Variants in BRSK2 observed in about 807,000 individuals in gnomAD.
The protein encoded by BRSK2 is BR serine/threonine kinase 2.
Under a neutral mutation model 83.3 loss-of-function variants are expected in BRSK2, and 19 were observed. The ratio of observed to expected loss-of-function variants is 0.23; its 90% confidence interval spans 0.16 to 0.33. BRSK2 has a LOEUF of 0.33. Among genes scored for constraint, BRSK2 ranks in the 10% least tolerant of loss-of-function variants. The pLI is 1.00. For synonymous variants in BRSK2, 519 were observed against 435.4 expected (o/e 1.19, Z -2.39); for missense variants, 798 against 1,042.3 (o/e 0.77, Z 3.23).
At chr11:1,450,170 A>C (rs1845636575) in intron 13 of BRSK2, among the ~76,000 whole-genome samples, 1 of 148,536 alleles carries the variant, frequency 6.7e-6, no homozygotes, top group Admixed American at 6.7e-5. Flanking sequence ...ACTGGGGTGC[A>C]TGTGCCGCGC....
At chr11:1,445,947 C>A (rs1851991670) in intron 12 of BRSK2, 40 bp downstream of exon 12, 1 of 1,569,424 alleles carries the variant, frequency 6.4e-7, no homozygotes, top group Non-Finnish European at 8.6e-7. Context: ...CCTCCCTGGG[C>A]CCTGGCTGCG....
chr11:1,444,182 G>C (rs1851715929), intron 8 of BRSK2, among the ~76,000 whole-genome samples: 1 of 152,156 alleles, frequency 6.6e-6, no homozygotes, highest in South Asian at 2.1e-4. Context: ...CCTGCCTCCA[G>C]ACGCTGCTGG....
chr11:1,399,980 G>A (rs529121367), intron 1 of BRSK2, among the ~76,000 whole-genome samples: 12 of 152,284 alleles, frequency 7.9e-5, no homozygotes, highest in African/African-American at 2.2e-4. Flanking sequence ...CCTCCGTTAC[G>A]CAGGAATAGT....
intron 18 of BRSK2, among the ~76,000 whole-genome samples, chr11:1,457,605 G>A (rs750496606): frequency 2.6e-5 from 4 of 152,168 alleles, no homozygotes; most frequent in Non-Finnish European, 5.9e-5. Context: ...CTGGTACGGC[G>A]TGGGGGCGCT....
At chr11:1,445,167 C>T in intron 9 of BRSK2, 127 bp from the exon 10 acceptor site, 1 of 1,462,900 alleles carries the variant, frequency 6.8e-7, no homozygotes. Context: ...ACGCAGGAGG[C>T]CTCCCCGGGC....
chr11:1,454,566 T>A lies in BRSK2; in HGVS notation c.1626T>A (p.Pro542=), dbSNP rs1564880234. Residue 542 remains proline, a synonymous_variant, in exon 16 of 20, where the codon CCT becomes CCA. Coordinates refer to ENST00000528841, the MANE Select transcript of BRSK2 (RefSeq NM_001256627.2). The surrounding 1 kb of genome is among the most constrained non-coding windows in gnomAD (Gnocchi z 5.2). ...TCTTCGTGGTCATCAAAGACAAACCTCTGAGCTCCATCAAGGCTGACATCG... is the reference window on the plus strand; with the variant it reads ...TCTTCGTGGTCATCAAAGACAAACCACTGAGCTCCATCAAGGCTGACATCG... The part of the protein sequence containing the change: ...EQIFVVIKDK[P]LSSIKADIVH... 6.2e-7 allele frequency: 1 copy of A among 1,613,150 alleles called. No homozygotes were observed. The highest frequency in any genetic ancestry group is 8.5e-7 in the Non-Finnish European group (1 of 1,179,930).
chr11:1,449,942 C>G (rs1217903746), intron 13 of BRSK2, 106 bp downstream of exon 13: 1 of 745,804 alleles, frequency 1.3e-6, no homozygotes, highest in African/African-American at 1.8e-5. Flanking sequence ...GGGAAGCAGC[C>G]CCAGGCGCCC....
chr11:1,459,236 TGTG>T lies in BRSK2; in HGVS notation c.1987_1987+2del, dbSNP rs768483881. ...AATGATGACGGGGCGGCTTTCCAAATGTGGTAAGAATCCCCCACGCTCACCTGG... is the reference window on the plus strand; with the variant it reads ...AATGATGACGGGGCGGCTTTCCAAATGTAAGAATCCCCCACGCTCACCTGG... On this transcript the variant is annotated inframe_deletion and splice_region_variant, in exon 19 of 20. Transcript: ENST00000528841. The T allele has an allele frequency of 1.2e-6, 2 of 1,613,734 alleles. No individual in the cohort carries two copies. Among genetic ancestry groups the T allele is most frequent in the South Asian group, 1.1e-5 (1 of 91,084 alleles).
intron 1 of BRSK2, among the ~76,000 whole-genome samples, chr11:1,407,293 G>A (rs542401312): frequency 1.8e-4 from 27 of 152,148 alleles, no homozygotes; most frequent in South Asian, 6.2e-4. Flanking sequence ...CTGTGTCCAC[G>A]ACAGCCCCAC....
In BRSK2 at chr11:1,437,733, G is replaced by GA. The variant is rs529895425; in HGVS notation, c.187-573_187-572insA. Reference sequence around the variant, plus strand: ...CCTGTGAGGCCTCCACCGTAAGGAAGGGCGGAGCCCAGGCACAGCCTGCCT... The same window carrying GA: ...CCTGTGAGGCCTCCACCGTAAGGAAGAGGCGGAGCCCAGGCACAGCCTGCCT... On this transcript the variant is annotated intron_variant, in intron 2 of 19. Coordinates refer to ENST00000528841, the MANE Select transcript of BRSK2 (RefSeq NM_001256627.2). Among the ~76,000 whole-genome samples the GA allele has an allele frequency of 7.2e-5, 11 of 152,348 alleles. No individual in the cohort carries two copies. In the East Asian group the frequency reaches 1.2e-3, roughly 16 times the overall value.
chr11:1,436,498 C>T (rs1850316560), intron 2 of BRSK2, among the ~76,000 whole-genome samples: 1 of 152,166 alleles, frequency 6.6e-6, no homozygotes, highest in Non-Finnish European at 1.5e-5. Context: ...CCTACCAGGG[C>T]ACAGCTTGGC....
Position 1,458,100 on chromosome 11 carries a change from T to G in BRSK2, c.1940-1092T>G, listed in dbSNP as rs1184397617. Reference sequence around the variant, plus strand: ...GCCAGGGAACGACAGGGCAGCCACCTAGGCCAGGGATGGACAGGGCTTGTC... The same window carrying G: ...GCCAGGGAACGACAGGGCAGCCACCGAGGCCAGGGATGGACAGGGCTTGTC... On this transcript the variant is annotated intron_variant, in intron 18 of 19. Transcript: ENST00000528841. Among the ~76,000 whole-genome samples the G allele has an allele frequency of 2.0e-5, 3 of 152,132 alleles. No individual in the cohort carries two copies. In the East Asian group the frequency reaches 5.8e-4, roughly 29 times the overall value.
intron 8 of BRSK2, 37 bp from the exon 9 acceptor site, chr11:1,444,934 T>A (rs1431398092): frequency 1.2e-6 from 2 of 1,602,406 alleles, no homozygotes; most frequent in Non-Finnish European, 1.7e-6. Flanking sequence ...TTTCCGTCCC[T>A]CGTCCGTACT....
intron 19 of BRSK2, chr11:1,459,529 G>A (rs7935124): frequency 0.21 from 96,043 of 467,384 alleles, 12,070 homozygotes; most frequent in African/African-American, 0.43. Flanking sequence ...TGAGGGTCCC[G>A]CTGGTCCCAC....
chr11:1,399,810 C>T (rs987386344), intron 1 of BRSK2, among the ~76,000 whole-genome samples: 8 of 152,192 alleles, frequency 5.3e-5, no homozygotes, highest in African/African-American at 1.9e-4. Context: ...CTCCTTCTTC[C>T]TTGGCACCCT....
chr11:1,453,629 G>A (rs770004158), intron 15 of BRSK2, among the ~76,000 whole-genome samples: 11 of 152,216 alleles, frequency 7.2e-5, no homozygotes, highest in Non-Finnish European at 1.2e-4. Flanking sequence ...CTCCCAGGCC[G>A]CACAGTGGCC....
In BRSK2 at chr11:1,445,453, C is replaced by G. The variant is rs201835312; in HGVS notation, c.972C>G (p.Ser324=). ...ACAAGCTGCTGCAGGACCTGCTGTCCGAGGAGTGCGTCTGGGGCTGCTCCC... is the reference window on the plus strand; with the variant it reads ...ACAAGCTGCTGCAGGACCTGCTGTCGGAGGAGTGCGTCTGGGGCTGCTCCC... ...DRNKLLQDLL[S]EEENQEKMIY... The change falls in exon 10 of 20, where the codon TCC becomes TCG. Residue 324 remains serine (S), a synonymous_variant. Coordinates refer to ENST00000528841, the MANE Select transcript of BRSK2 (RefSeq NM_001256627.2). 3 of 1,611,490 alleles carry G rather than the reference C, an allele frequency of 1.9e-6. No individual in the cohort carries two copies. Among genetic ancestry groups the G allele is most frequent in the South Asian group, 2.2e-5 (2 of 90,966 alleles).
chr11:1,439,068 C>CCTCAT (rs1264333512), intron 3 of BRSK2, among the ~76,000 whole-genome samples: 1 of 152,186 alleles, frequency 6.6e-6, no homozygotes, highest in Non-Finnish European at 1.5e-5. Context: ...TGGCCTTGAG[C>CCTCAT]CTCATCTGAC....
intron 1 of BRSK2, among the ~76,000 whole-genome samples, chr11:1,391,483 C>T (rs769294277): frequency 2.6e-5 from 4 of 152,152 alleles, no homozygotes; most frequent in Non-Finnish European, 5.9e-5. Flanking sequence ...GGGGGAGGGC[C>T]GTGGCTGTGA....
Sources: allele counts gnomAD v4.1 joint callset (sites outside exome capture counted in the v4.1 genomes callset), GRCh38; gene constraint gnomAD v4.1.1; non-coding constraint Gnocchi (gnomAD v3.1); transcripts MANE v1.5; gene names NCBI Gene and HGNC (gene_info 2026-07-23, HGNC 2026-07-21).